EFCAB10: variants seen among roughly 807,000 people sequenced by gnomAD.
The protein encoded by EFCAB10 is EF-hand calcium-binding domain-containing protein 10.
A neutral mutation model predicts 7.7 loss-of-function variants in EFCAB10; 7 were observed. The ratio of observed to expected loss-of-function variants is 0.91; its 90% CI spans 0.52 to 1.72. The LOEUF (loss-of-function observed/expected upper bound fraction) is 1.72, where lower values mean the gene tolerates loss of function less well. Ranked by LOEUF, EFCAB10 falls within the 40% of genes most tolerant of loss-of-function variation. The probability of loss-of-function intolerance (pLI) is 0.00; values close to 1 mark genes in which losing one functional copy is unlikely to be tolerated. For missense variants in EFCAB10, 112 were observed against 61.5 expected, an observed-to-expected ratio of 1.82 and a Z score of -2.74; for synonymous variants, 52 against 21.0, an observed-to-expected ratio of 2.47 and a Z score of -4.03.
At chr7:105,570,227 AAAAAAAAAAAAAAATATAT>A (rs1421379554) in intron 1 of EFCAB10, among the ~76,000 whole-genome samples, 9 of 70,314 alleles carry the variant, frequency 1.3e-4, no homozygotes, top group African/African-American at 6.1e-4. Context: ...AAAAAAAAAA[AAAAAAAAAAAAAAATATAT>A]ATATATATAT....
chr7:105,581,465 G>T lies in EFCAB10; in HGVS notation c.-2C>A, dbSNP rs1355603613. 1 of 702,978 alleles carries T rather than the reference G, an allele frequency of 1.4e-6. No homozygotes were observed. Among genetic ancestry groups the T allele is most frequent in the Non-Finnish European group, 2.6e-6 (1 of 384,924 alleles). 43.5% of individuals were successfully genotyped at this position (702,978 alleles called of 1,614,324 possible). ...GAGCTCCCTGCTGCTGGTCTCCATC[G>T]CTCCGCGTCCCGCTGTTGCTAGGCG... On this transcript the variant is annotated 5_prime_UTR_variant, in exon 1 of 5. Coordinates refer to ENST00000480514, the MANE Select transcript of EFCAB10 (RefSeq NM_001355526.2).
intron 1 of EFCAB10, among the ~76,000 whole-genome samples, chr7:105,580,662 G>A (rs1792204953): frequency 3.3e-5 from 5 of 151,814 alleles, no homozygotes; most frequent in Admixed American, 3.3e-4. Flanking sequence ...TGGAATGTTT[G>A]GTATTTCCAC....
intron 4 of EFCAB10, 120 bp downstream of exon 4, chr7:105,567,347 C>T (rs762855022): frequency 6.8e-7 from 1 of 1,462,308 alleles, no homozygotes; most frequent in Admixed American, 2.0e-5. Context: ...GTTTTTGTTT[C>T]TAAGAAAGAG....
At chr7:105,576,452 A>G (rs1159700579) in intron 1 of EFCAB10, among the ~76,000 whole-genome samples, 1 of 151,770 alleles carries the variant, frequency 6.6e-6, no homozygotes, top group Admixed American at 6.6e-5. Context: ...CATCATTATT[A>G]TTATTATTAA....
At position 105,565,760 on chromosome 7, in the gene EFCAB10, T is replaced by C. The variant is rs2272169; in HGVS notation, c.*-313A>G. 6.9e-3 allele frequency: 4,683 copies of C among 679,754 alleles called. 96 individuals carry two copies. The highest frequency in any genetic ancestry group is 0.05 in the East Asian group (1,887 of 37,964). 42.1% of individuals were successfully genotyped at this position (679,754 alleles called of 1,614,324 possible). ...TTGGGTGGGATAAGATCAGTTGAAA[T>C]TTTAAAACATTGTCTATCTACTGTA... On this transcript the variant is annotated intron_variant, in intron 4 of 4. Transcript: ENST00000480514.
At chr7:105,570,240 A>ATATAT (rs1474422549) in intron 1 of EFCAB10, among the ~76,000 whole-genome samples, 2 of 24,910 alleles carry the variant, frequency 8.0e-5, no homozygotes, top group Non-Finnish European at 1.6e-4. Context: ...AAAAAAAAAA[A>ATATAT]ATATATATAT....
At chr7:105,570,629 C>G (rs1054004316) in intron 1 of EFCAB10, among the ~76,000 whole-genome samples, 2 of 151,908 alleles carry the variant, frequency 1.3e-5, no homozygotes, top group Non-Finnish European at 2.9e-5. Flanking sequence ...AGACCAGTCT[C>G]GAGCTCATGG....
At chr7:105,575,233 A>G (rs1252805222) in intron 1 of EFCAB10, among the ~76,000 whole-genome samples, 1 of 152,108 alleles carries the variant, frequency 6.6e-6, no homozygotes, top group Non-Finnish European at 1.5e-5. Flanking sequence ...CCCTTGCACA[A>G]TGTGTGGGAA....
chr7:105,571,435 C>G (rs967741514), intron 1 of EFCAB10: 2 of 152,158 alleles, frequency 1.3e-5, no homozygotes, highest in African/African-American at 4.8e-5. Flanking sequence ...GGAGATGAAA[C>G]GTAGTTCTAC....
intron 1 of EFCAB10, among the ~76,000 whole-genome samples, chr7:105,580,532 T>C (rs1792198295): frequency 6.6e-6 from 1 of 152,172 alleles, no homozygotes; most frequent in Non-Finnish European, 1.5e-5. Flanking sequence ...CAGGCTGCAG[T>C]GGCGCCATCT....
At chr7:105,573,907 T>C (rs780397958) in intron 1 of EFCAB10, among the ~76,000 whole-genome samples, 1 of 152,152 alleles carries the variant, frequency 6.6e-6, no homozygotes, top group African/African-American at 2.4e-5. Context: ...ATAGTCTCCA[T>C]TGAGTTTTTT....
intron 1 of EFCAB10, among the ~76,000 whole-genome samples, chr7:105,570,861 T>C (rs954314435): frequency 2.0e-5 from 3 of 151,984 alleles, no homozygotes; most frequent in Admixed American, 1.3e-4. Flanking sequence ...CGTTCTCTAC[T>C]AAAAATACAA....
chr7:105,568,715 C>T (rs1300981408), intron 3 of EFCAB10, among the ~76,000 whole-genome samples: 3 of 151,948 alleles, frequency 2.0e-5, no homozygotes, highest in Non-Finnish European at 4.4e-5. Context: ...TTTGAGAGGC[C>T]GAGGCAGTGG....
chr7:105,575,310 C>CAT (rs951646080), intron 1 of EFCAB10, among the ~76,000 whole-genome samples: 155 of 151,718 alleles, frequency 1.0e-3, no homozygotes, highest in African/African-American at 3.0e-3. Context: ...TATACACATA[C>CAT]ATATATATAT....
At chr7:105,574,416 G>A (rs1792022050) in intron 1 of EFCAB10, among the ~76,000 whole-genome samples, 2 of 151,974 alleles carry the variant, frequency 1.3e-5, no homozygotes, top group Admixed American at 1.3e-4. Context: ...CACAGTCATG[G>A]CAGAAGGCAC....
chr7:105,574,141 TATATAC>T (rs1231094540), intron 1 of EFCAB10, among the ~76,000 whole-genome samples: 1 of 127,864 alleles, frequency 7.8e-6, no homozygotes, highest in Non-Finnish European at 1.6e-5. Context: ...TATATATATA[TATATAC>T]ACATACATAT....
chr7:105,580,980 G>A (rs1792217916), intron 1 of EFCAB10, among the ~76,000 whole-genome samples: 1 of 152,168 alleles, frequency 6.6e-6, no homozygotes, highest in African/African-American at 2.4e-5. Context: ...AGCACTTTGA[G>A]GCGCCGAGGC....
In EFCAB10 at chr7:105,581,354, T is replaced by G; in HGVS notation, c.106+4A>C. The G allele has an allele frequency of 1.4e-6, 1 of 702,858 alleles. No individual in the cohort carries two copies. The allele number at this position is 702,858 out of a possible 1,614,324, so 43.5% of individuals were successfully genotyped here. A position where few individuals can be genotyped will look rare whatever the true frequency, so the allele number is the denominator to read the frequency against. ...TGGCTGTACCGGGGCATGGGGGCCC[T>G]TACCCGGCCGAAAGAAAAGGAGGGC... On this transcript the variant is annotated splice_donor_region_variant and intron_variant, in intron 1 of 4. Coordinates refer to ENST00000480514, the MANE Select transcript of EFCAB10 (RefSeq NM_001355526.2).
At chr7:105,576,602 T>C (rs1028405657) in intron 1 of EFCAB10, among the ~76,000 whole-genome samples, 13 of 152,138 alleles carry the variant, frequency 8.5e-5, no homozygotes, top group Non-Finnish European at 1.6e-4. Flanking sequence ...CCCACCATGC[T>C]TGGCTCATTT....
Sources: gnomAD v4.1 joint callset for allele counts (sites outside exome capture counted in the v4.1 genomes callset) on GRCh38, gnomAD v4.1.1 for gene constraint, MANE v1.5 for transcripts, NCBI Gene and HGNC (gene_info 2026-07-23, HGNC 2026-07-21) for gene names.